Variants in KLHL18 observed in about 807,000 individuals in gnomAD.
The protein encoded by KLHL18 is kelch like family member 18, also known as kelch-like protein 18.
A neutral mutation model predicts 58.5 loss-of-function variants in KLHL18; 38 were observed. That is an observed-to-expected ratio of 0.65 (90% confidence interval 0.50 to 0.85). The LOEUF (loss-of-function observed/expected upper bound fraction) is 0.85, where lower values mean the gene tolerates loss of function less well. Ranked by LOEUF, KLHL18 falls within the 40% of genes least tolerant of loss-of-function variation. KLHL18 has a pLI of 0.00. For missense variants in KLHL18, 624 were observed against 778.4 expected (o/e 0.80, Z 2.36); for synonymous variants, 303 against 301.9 (o/e 1.00, Z -0.04).
intron 1 of KLHL18, 192 bp downstream of exon 1, chr3:47,283,286 A>G (rs547977015): frequency 4.9e-6 from 3 of 614,904 alleles, no homozygotes; most frequent in African/African-American, 1.9e-5. Flanking sequence ...GAAGAGGACA[A>G]CCTTTCAGCC....
At chr3:47,331,617 G>A (rs1703862905) in intron 4 of KLHL18, among the ~76,000 whole-genome samples, 1 of 151,106 alleles carries the variant, frequency 6.6e-6, no homozygotes, top group South Asian at 2.1e-4. Flanking sequence ...ATTTTTAGTA[G>A]AGACGGGGTT....
chr3:47,324,915 T>TA (rs1703679322), intron 3 of KLHL18, among the ~76,000 whole-genome samples: 2 of 152,234 alleles, frequency 1.3e-5, no homozygotes, highest in East Asian at 1.9e-4. Flanking sequence ...AATAAGTACT[T>TA]ACGCATAAAC....
At chr3:47,336,899 A>C in intron 7 of KLHL18, 142 bp downstream of exon 7, 1 of 671,372 alleles carries the variant, frequency 1.5e-6, no homozygotes, top group South Asian at 1.8e-5. Flanking sequence ...CACTGCCAGT[A>C]CCTCCTGGGA....
chr3:47,312,337 G>A (rs1163631604), intron 1 of KLHL18, among the ~76,000 whole-genome samples: 1 of 152,052 alleles, frequency 6.6e-6, no homozygotes, highest in African/African-American at 2.4e-5. Flanking sequence ...TAAATCTACT[G>A]TCTGATTCCA....
rs141595597 is a variant in KLHL18 at position 47,341,674 on chromosome 3, G to A, written c.1226+998G>A. 7.0e-4 allele frequency among the ~76,000 whole-genome samples: 106 copies of A among 152,286 alleles called. 1 individual carries two copies. The highest frequency in any genetic ancestry group is 4.7e-4 in the Non-Finnish European group (32 of 68,018). ...ACAGCAATGATCCTCTCATGGGCTA[G>A]AGCACAGCGTGTGGATGGGAGACGG... On this transcript the variant is annotated intron_variant, in intron 8 of 9. Transcript: ENST00000232766.
At chr3:47,289,103 T>A (rs1360328253) in intron 1 of KLHL18, among the ~76,000 whole-genome samples, 1 of 152,238 alleles carries the variant, frequency 6.6e-6, no homozygotes, top group Non-Finnish European at 1.5e-5. Context: ...GCTCTCCCTT[T>A]ATCTCACACA....
intron 3 of KLHL18, among the ~76,000 whole-genome samples, chr3:47,323,393 C>G (rs1434055916): frequency 6.6e-6 from 1 of 152,136 alleles, no homozygotes; most frequent in Non-Finnish European, 1.5e-5. Flanking sequence ...AATTTCTTGA[C>G]CTTCCTTTTC....
Position 47,334,911 on chromosome 3 carries a change from G to A in KLHL18, c.898+92G>A. The A allele has an allele frequency of 1.5e-6, 2 of 1,327,730 alleles. No individual in the cohort carries two copies. The highest frequency in any genetic ancestry group is 2.1e-6 in the Non-Finnish European group (2 of 961,252). The allele number at this position is 1,327,730 out of a possible 1,614,324, so 82.2% of individuals were successfully genotyped here. On this transcript the variant is annotated intron_variant, in intron 6 of 9. Coordinates refer to ENST00000232766, the MANE Select transcript of KLHL18 (RefSeq NM_025010.5). The surrounding 1 kb of genome is among the most constrained non-coding windows in gnomAD (Gnocchi z 4.7). ...TTAGCCTGGCCCTTCTGGTTTCTCTGTTTTGTACTGTCACCACCCTTGCCC... is the reference window on the plus strand; with the variant it reads ...TTAGCCTGGCCCTTCTGGTTTCTCTATTTTGTACTGTCACCACCCTTGCCC...
In KLHL18 at chr3:47,340,588, G is replaced by A. The variant is rs965280757; in HGVS notation, c.1138G>A (p.Val380Met). ...NSKRSAMGTV[V>M]LDGQIYVCGG... ...CTGTTTCAGTGCCATGGGGACAGTC[G>A]TGCTGGATGGGCAGATCTACGTCTG... Residue 380 changes from valine to methionine, a missense_variant, in exon 8 of 10, where the codon GTG (valine) becomes ATG (methionine). By Grantham distance (21) the Val-to-Met change is conservative. Transcript: ENST00000232766. 48 of 1,613,868 alleles carry A rather than the reference G, an allele frequency of 3.0e-5. No homozygotes were observed. The highest frequency in any genetic ancestry group is 3.8e-5 in the Non-Finnish European group (45 of 1,179,972).
intron 6 of KLHL18, among the ~76,000 whole-genome samples, chr3:47,335,125 C>G (rs1425079768): frequency 6.6e-6 from 1 of 152,238 alleles, no homozygotes; most frequent in East Asian, 1.9e-4. Flanking sequence ...AGAGCAAGGA[C>G]TAGAACTTGG....
At chr3:47,341,232 C>A (rs115663927) in intron 8 of KLHL18, among the ~76,000 whole-genome samples, 196 of 152,324 alleles carry the variant, frequency 1.3e-3, no homozygotes, top group African/African-American at 4.6e-3. Context: ...AAAACATTGA[C>A]AAGGTTAGCC....
At chr3:47,300,391 A>ATG (rs1240195653) in intron 1 of KLHL18, among the ~76,000 whole-genome samples, 6 of 47,958 alleles carry the variant, frequency 1.3e-4, no homozygotes, top group African/African-American at 3.3e-4. Context: ...ATATATGTGT[A>ATG]TATGTGTGTG....
rs1238890119 is a variant in KLHL18 at position 47,283,864 on chromosome 3, TC to T, written c.129+772del. Among the ~76,000 whole-genome samples, 7 of 152,308 alleles carry T rather than the reference TC, an allele frequency of 4.6e-5. No homozygotes were observed. In the East Asian group the frequency reaches 1.2e-3, roughly 25 times the overall value. On this transcript the variant is annotated intron_variant, in intron 1 of 9. Transcript: ENST00000232766. ...CAAGCCACCGAACCATGTGGAGACG[TC>T]CGGTTGGGGAGATGATCAGTGGGGC...
chr3:47,297,201 A>C (rs1559487325), intron 1 of KLHL18, among the ~76,000 whole-genome samples: 1 of 152,166 alleles, frequency 6.6e-6, no homozygotes. Context: ...GTGTTCAAAG[A>C]GTGTGCTCTA....
chr3:47,335,018 A>G (rs1486921982), intron 6 of KLHL18, among the ~76,000 whole-genome samples, 199 bp downstream of exon 6: 1 of 152,152 alleles, frequency 6.6e-6, no homozygotes, highest in African/African-American at 2.4e-5. Flanking sequence ...TGCTAAAGAG[A>G]CCTTCTAGAA....
chr3:47,322,017 T>G (rs1439789649), intron 2 of KLHL18, among the ~76,000 whole-genome samples: 1 of 152,158 alleles, frequency 6.6e-6, no homozygotes, highest in Non-Finnish European at 1.5e-5. Context: ...TAGCTGGAAT[T>G]TGGATTTCAT....
chr3:47,325,892 C>T lies in KLHL18; in HGVS notation c.401+3184C>T, dbSNP rs376835923. Among the ~76,000 whole-genome samples the T allele has an allele frequency of 3.9e-5, 6 of 152,086 alleles. No homozygotes were observed. The East Asian group carries it at 7.7e-4, about 20-fold the overall frequency. ...TCAAGCATTCTCCTGCCTCAGCCTC[C>T]GGAGTAGCAGGATTACAGGTGCCTG... On this transcript the variant is annotated intron_variant, in intron 3 of 9. Transcript: ENST00000232766.
At chr3:47,305,546 C>A (rs1389437979) in intron 1 of KLHL18, among the ~76,000 whole-genome samples, 2 of 151,878 alleles carry the variant, frequency 1.3e-5, no homozygotes, top group South Asian at 4.2e-4. Context: ...CATATATATT[C>A]ATGAGGGATA....
chr3:47,340,538 G>T lies in KLHL18; in HGVS notation c.1122-34G>T, dbSNP rs146114265. ...AGAGAGGCTGCTCCAGGAAGGCTGC[G>T]GCTCATCTGGGATGACAGCTCTGTC... On this transcript the variant is annotated intron_variant, in intron 7 of 9. Transcript: ENST00000232766. The T allele has an allele frequency of 5.0e-6, 8 of 1,613,370 alleles. No individual in the cohort carries two copies. The African/African-American group carries it at 5.3e-5, about 11-fold the overall frequency.
Sources: gnomAD v4.1 joint callset for allele counts (sites outside exome capture counted in the v4.1 genomes callset) on GRCh38, gnomAD v4.1.1 for gene constraint, Gnocchi (gnomAD v3.1) non-coding constraint, MANE v1.5 for transcripts, NCBI Gene and HGNC (gene_info 2026-07-23, HGNC 2026-07-21) for gene names.